The following ATRN variants were observed in gnomAD, a reference collection of about 807,000 sequenced individuals.
The protein encoded by ATRN is attractin-2.
A neutral mutation model predicts 178.7 loss-of-function variants in ATRN; 54 were observed. The ratio of observed to expected loss-of-function variants is 0.30; its 90% confidence interval spans 0.24 to 0.38. The LOEUF (loss-of-function observed/expected upper bound fraction) is 0.38. Among genes scored for constraint, ATRN ranks in the 10% least tolerant of loss-of-function variants. The pLI is 1.00. For missense variants in ATRN, 1,443 were observed against 1,815.1 expected (o/e 0.79, Z 3.73); for synonymous variants, 636 against 663.0 (o/e 0.96, Z 0.63).
Position 3,585,823 on chromosome 20 carries a change from A to G in ATRN, c.3184+943A>G, listed in dbSNP as rs190949603. On this transcript the variant is annotated intron_variant, in intron 18 of 28. Coordinates refer to ENST00000262919, the MANE Select transcript of ATRN (RefSeq NM_139321.3). ...TCCAGAGAAGAAATACAAATGGCCA[A>G]TAAGCACATGAAAAGATACTCAATA... Among the ~76,000 whole-genome samples, 201 of 152,354 alleles carry G rather than the reference A, an allele frequency of 1.3e-3. 1 individual carries two copies. Among genetic ancestry groups the G allele is most frequent in the Middle Eastern group, 0.01 (3 of 294 alleles).
intron 6 of ATRN, among the ~76,000 whole-genome samples, chr20:3,554,305 TTTTA>T (rs10626066): frequency 0.031 from 4,306 of 139,190 alleles, 69 homozygotes; most frequent in Non-Finnish European, 0.039. Flanking sequence ...GATTACAGAT[TTTTA>T]TTTATTTATT....
At chr20:3,562,560 T>A in intron 9 of ATRN, 101 bp downstream of exon 9, 1 of 1,221,270 alleles carries the variant, frequency 8.2e-7, no homozygotes, top group Non-Finnish European at 1.2e-6. Flanking sequence ...GCCTGGCAGA[T>A]AATTCTGTTC....
rs550114369 is a variant in ATRN at position 3,623,821 on chromosome 20, T to A, written c.3802-690T>A. Among the ~76,000 whole-genome samples the A allele has an allele frequency of 2.6e-5, 4 of 152,324 alleles. No individual in the cohort carries two copies. In the South Asian group the frequency reaches 8.3e-4, roughly 32 times the overall value. ...ATATCCCTGAAATCATGATGCATCT[T>A]ATGGTCAGTGACTTAAAAAGCATTA... On this transcript the variant is annotated intron_variant, in intron 24 of 28. Coordinates refer to ENST00000262919, the MANE Select transcript of ATRN (RefSeq NM_139321.3).
intron 1 of ATRN, among the ~76,000 whole-genome samples, chr20:3,531,092 A>G (rs1047738238): frequency 2.0e-5 from 3 of 152,228 alleles, no homozygotes; most frequent in Non-Finnish European, 2.9e-5. Context: ...TAGATTATCA[A>G]TGATACTGTA....
In ATRN at chr20:3,471,356, C is replaced by T. The variant is rs1351252263; in HGVS notation, c.249C>T (p.Ala83=). The T allele has an allele frequency of 3.4e-6, 5 of 1,482,112 alleles. No individual in the cohort carries two copies. In the African/African-American group the frequency reaches 5.9e-5, roughly 17 times the overall value. The allele number at this position is 1,482,112 out of a possible 1,614,324, so 91.8% of individuals were successfully genotyped here. A position where few individuals can be genotyped will look rare whatever the true frequency, so the allele number is the denominator to read the frequency against. Residue 83 remains alanine, a synonymous_variant, in exon 1 of 29, where the codon GCC becomes GCT. Coordinates refer to ENST00000262919, the MANE Select transcript of ATRN (RefSeq NM_139321.3). ...LLLLLPCEAE[A]AAAAAAVSGS... Reference sequence around the variant, plus strand: ...TGCTGCTGCCCTGTGAGGCCGAGGCCGCGGCGGCGGCGGCGGCGGTGTCGG... The same window carrying T: ...TGCTGCTGCCCTGTGAGGCCGAGGCTGCGGCGGCGGCGGCGGCGGTGTCGG...
chr20:3,641,128 G>C (rs1432037462), intron 27 of ATRN, among the ~76,000 whole-genome samples: 1 of 152,216 alleles, frequency 6.6e-6, no homozygotes, highest in Non-Finnish European at 1.5e-5. Context: ...TGGGGAGTTA[G>C]TGTTTAATGG....
chr20:3,650,753 G>A lies in ATRN; in HGVS notation c.*3906G>A, dbSNP rs931080190. ...ACAAAACATTCTAAACACTAGTGAA[G>A]CCTGTTTCGTTGAACTAATTCTGGC... On this transcript the variant is annotated 3_prime_UTR_variant, in exon 29 of 29. Coordinates refer to ENST00000262919, the MANE Select transcript of ATRN (RefSeq NM_139321.3). 6.7e-6 allele frequency: 1 copy of A among 150,284 alleles called. No individual in the cohort carries two copies. Among genetic ancestry groups the A allele is most frequent in the Non-Finnish European group, 1.5e-5 (1 of 66,782 alleles). 9.3% of individuals were successfully genotyped at this position (150,284 alleles called of 1,614,324 possible).
At chr20:3,589,791 G>A (rs1047098282) in intron 18 of ATRN, among the ~76,000 whole-genome samples, 4 of 152,150 alleles carry the variant, frequency 2.6e-5, no homozygotes, top group Non-Finnish European at 5.9e-5. Flanking sequence ...ACTGGTGTGC[G>A]CATCTCCCTC....
intron 1 of ATRN, among the ~76,000 whole-genome samples, chr20:3,530,145 T>A (rs998832130): frequency 1.3e-5 from 2 of 150,676 alleles, no homozygotes; most frequent in Non-Finnish European, 3.0e-5. Context: ...CATAATCTTG[T>A]ATGGCTAAAA....
At chr20:3,571,693 A>G (rs533759873) in intron 11 of ATRN, among the ~76,000 whole-genome samples, 2 of 152,288 alleles carry the variant, frequency 1.3e-5, no homozygotes, top group Admixed American at 6.5e-5. Flanking sequence ...TTTCTCTGCA[A>G]ACTGGCTGAA....
intron 1 of ATRN, among the ~76,000 whole-genome samples, chr20:3,522,376 C>G (rs2085307037): frequency 6.6e-6 from 1 of 152,318 alleles, no homozygotes; most frequent in South Asian, 2.1e-4. Context: ...TTCCTTCTCT[C>G]TGGGCAGGGC....
intron 24 of ATRN, among the ~76,000 whole-genome samples, chr20:3,610,506 C>T (rs2146299324): frequency 6.6e-6 from 1 of 151,856 alleles, no homozygotes; most frequent in African/African-American, 2.4e-5. Context: ...GTAACCCTCT[C>T]ACCTCAGCCT....
intron 22 of ATRN, among the ~76,000 whole-genome samples, chr20:3,599,764 G>A (rs942088808): frequency 6.6e-6 from 1 of 152,166 alleles, no homozygotes; most frequent in African/African-American, 2.4e-5. Flanking sequence ...TATACCAAAG[G>A]ATGACTGTAA....
At chr20:3,531,694 C>G (rs1600080621) in intron 1 of ATRN, among the ~76,000 whole-genome samples, 1 of 152,052 alleles carries the variant, frequency 6.6e-6, no homozygotes, top group Admixed American at 6.6e-5. Flanking sequence ...ATGCCTATAT[C>G]ATAGGCTCAT....
chr20:3,646,150 G>T lies in ATRN; in HGVS notation c.4166-573G>T, dbSNP rs1317898746. Among the ~76,000 whole-genome samples, 3 of 152,164 alleles carry T rather than the reference G, an allele frequency of 2.0e-5. No individual in the cohort carries two copies. The East Asian group carries it at 5.8e-4, about 29-fold the overall frequency. On this transcript the variant is annotated intron_variant, in intron 28 of 28. Coordinates refer to ENST00000262919, the MANE Select transcript of ATRN (RefSeq NM_139321.3). ...ATTTTACAAATGAGGAAACTGAGGT[G>T]CAGGGAGGTTAAAGAACCTTGCTTA...
At chr20:3,600,828 T>C (rs1307573096) in intron 22 of ATRN, 118 bp from the exon 23 acceptor site, 8 of 1,000,362 alleles carry the variant, frequency 8.0e-6, no homozygotes, top group Non-Finnish European at 1.2e-5. Flanking sequence ...TGAGTTTCTC[T>C]AAAGACATCA....
intron 15 of ATRN, among the ~76,000 whole-genome samples, chr20:3,579,590 A>C (rs1266888643): frequency 6.6e-6 from 1 of 152,152 alleles, no homozygotes; most frequent in African/African-American, 2.4e-5. Context: ...AGAGTTTCTA[A>C]GCCCAGAAAG....
rs1364179680 is a variant in ATRN, at chr20:3,629,002, C to T, written c.3863+4430C>T. The T allele has an allele frequency of 4.1e-6, 4 of 985,230 alleles. No individual in the cohort carries two copies. The African/African-American group carries it at 7.0e-5, about 17-fold the overall frequency. The allele number at this position is 985,230 out of a possible 1,614,324, so 61.0% of individuals were successfully genotyped here. On this transcript the variant is annotated intron_variant, in intron 25 of 28. Transcript: ENST00000262919. ...AGAAGTGACCAATTCCATCCTTCCT[C>T]ACCGGTGTTCCCCACCTCACTAACT...
At chr20:3,629,905 A>G (rs1479903822) in intron 25 of ATRN, among the ~76,000 whole-genome samples, 1 of 151,874 alleles carries the variant, frequency 6.6e-6, no homozygotes, top group Admixed American at 6.6e-5. Context: ...GGATATATTC[A>G]CTATCCTGGA....
Sources: allele counts gnomAD v4.1 joint callset (sites outside exome capture counted in the v4.1 genomes callset), GRCh38; gene constraint gnomAD v4.1.1; transcripts MANE v1.5; gene names NCBI Gene and HGNC (gene_info 2026-07-23, HGNC 2026-07-21).